FAM135A: variants seen among roughly 807,000 people sequenced by gnomAD.
FAM135A encodes the protein family with sequence similarity 135 member A, also known as protein FAM135A.
Under a neutral mutation model 146.8 loss-of-function variants are expected in FAM135A, and 79 were observed. That is an observed-to-expected ratio of 0.54 (90% CI 0.45 to 0.65). FAM135A has a LOEUF of 0.65. Among genes scored for constraint, FAM135A ranks in the 30% least tolerant of loss-of-function variants. The probability of loss-of-function intolerance (pLI) is 0.00; values close to 1 mark genes in which losing one functional copy is unlikely to be tolerated. For missense variants in FAM135A, 1,623 were observed against 1,758.2 expected, an observed-to-expected ratio of 0.92 and a Z score of 1.38; for synonymous variants, 562 against 603.6, an observed-to-expected ratio of 0.93 and a Z score of 1.01.
At position 70,428,348 on chromosome 6, in the gene FAM135A, T is replaced by G. The variant is rs1334837427; in HGVS notation, c.6T>G (p.Thr2=). The change falls in exon 4 of 22, where the codon ACT becomes ACG. Residue 2 remains threonine (T), a synonymous_variant. Coordinates refer to ENST00000418814, the MANE Select transcript of FAM135A (RefSeq NM_001162529.3). M[T]EVQAMVEFSV... ...CTTCTGGGTATAAATTAAAAATGAC[T>G]GAAGTTCAAGCAATGGTAGAATTCT... 1.3e-6 allele frequency: 2 copies of G among 1,598,554 alleles called. No individual in the cohort carries two copies. The highest frequency in any genetic ancestry group is 1.1e-5 in the South Asian group (1 of 87,138).
chr6:70,514,349 A>AT (rs1355259335), intron 12 of FAM135A, among the ~76,000 whole-genome samples: 4 of 152,020 alleles, frequency 2.6e-5, no homozygotes, highest in Non-Finnish European at 4.4e-5. Context: ...TTCACGTATA[A>AT]TACTTCCATT....
chr6:70,556,664 AT>A (rs1800899233), intron 20 of FAM135A, 85 bp from the exon 21 acceptor site: 2 of 809,422 alleles, frequency 2.5e-6, no homozygotes, highest in Non-Finnish European at 3.6e-6. Flanking sequence ...AAGGAAATTT[AT>A]TTTTTGGTCA....
chr6:70,459,885 G>T (rs1049153637), intron 5 of FAM135A, among the ~76,000 whole-genome samples: 2 of 152,096 alleles, frequency 1.3e-5, no homozygotes, highest in African/African-American at 4.8e-5. Flanking sequence ...AAAAAAATTA[G>T]CCAGGCGTGG....
At chr6:70,413,817 C>T in intron 1 of FAM135A, 115 bp downstream of exon 1, 3 of 985,454 alleles carry the variant, frequency 3.0e-6, no homozygotes, top group Non-Finnish European at 3.6e-6. Flanking sequence ...GTCCGCCGTT[C>T]GCCCGCCGCG....
intron 4 of FAM135A, among the ~76,000 whole-genome samples, chr6:70,438,758 A>G (rs1773794891): frequency 6.6e-6 from 1 of 152,242 alleles, no homozygotes; most frequent in Admixed American, 6.5e-5. Flanking sequence ...TGTGGTAAGA[A>G]TGAATTATCT....
At chr6:70,503,239 C>G (rs535467308) in intron 12 of FAM135A, 16 of 153,776 alleles carry the variant, frequency 1.0e-4, no homozygotes, top group African/African-American at 3.9e-4. Flanking sequence ...CCACACATTA[C>G]ACATATATGT....
chr6:70,506,738 CT>C (rs1336904814), intron 12 of FAM135A, among the ~76,000 whole-genome samples: 379 of 132,870 alleles, frequency 2.9e-3, no homozygotes, highest in Middle Eastern at 0.012. Context: ...TTTGTTTTTT[CT>C]TTTTTTTTTT....
At chr6:70,414,128 C>T (rs1035354358) in intron 1 of FAM135A, 2 of 780,492 alleles carry the variant, frequency 2.6e-6, no homozygotes, top group African/African-American at 1.9e-5. Flanking sequence ...GGTGGTCCCT[C>T]CTTGGGAAGC....
At chr6:70,455,894 C>CA in intron 5 of FAM135A, among the ~76,000 whole-genome samples, 1 of 152,126 alleles carries the variant, frequency 6.6e-6, no homozygotes, top group Non-Finnish European at 1.5e-5. Context: ...GCCCTATCGC[C>CA]AGGCTGGAGT....
chr6:70,469,325 T>A (rs1007277717), intron 5 of FAM135A, among the ~76,000 whole-genome samples: 1 of 152,210 alleles, frequency 6.6e-6, no homozygotes, highest in Non-Finnish European at 1.5e-5. Context: ...GAGAATAAAA[T>A]TAAGATGAAG....
At chr6:70,423,102 A>G (rs1352253409) in intron 2 of FAM135A, among the ~76,000 whole-genome samples, 1 of 152,210 alleles carries the variant, frequency 6.6e-6, no homozygotes, top group African/African-American at 2.4e-5. Context: ...ATATCTGGAG[A>G]GAAGAATGTT....
chr6:70,473,000 AAT>A (rs558122184), intron 5 of FAM135A, among the ~76,000 whole-genome samples: 91 of 152,230 alleles, frequency 6.0e-4, no homozygotes, highest in African/African-American at 2.1e-3. Flanking sequence ...CTTTGCAATT[AAT>A]GTCTCTTGTT....
At chr6:70,523,284 T>C (rs867876763) in intron 13 of FAM135A, among the ~76,000 whole-genome samples, 1 of 152,152 alleles carries the variant, frequency 6.6e-6, no homozygotes, top group Non-Finnish European at 1.5e-5. Context: ...AGCATACAGC[T>C]AAGATTTATA....
chr6:70,519,537 C>T (rs1373536935), intron 12 of FAM135A, among the ~76,000 whole-genome samples: 2 of 152,198 alleles, frequency 1.3e-5, no homozygotes, highest in African/African-American at 2.4e-5. Flanking sequence ...TCAATTGATG[C>T]AGCAAACTTC....
chr6:70,503,713 C>T (rs1287643623), intron 12 of FAM135A: 4 of 152,056 alleles, frequency 2.6e-5, no homozygotes, highest in Admixed American at 1.3e-4. Context: ...AGGTTGTTTC[C>T]ACCTGTTATT....
chr6:70,438,655 A>G (rs1773762296), intron 4 of FAM135A, among the ~76,000 whole-genome samples: 1 of 152,204 alleles, frequency 6.6e-6, no homozygotes, highest in African/African-American at 2.4e-5. Flanking sequence ...ATTTGGATTC[A>G]CGAGAAGCTG....
In FAM135A at chr6:70,536,142, TACA is replaced by T. The variant is rs1452622307; in HGVS notation, c.3966-114_3966-112del. On this transcript the variant is annotated intron_variant, in intron 18 of 21. Transcript: ENST00000418814. ...TCATTTCAAAGTATCACTATACTTT[TACA>T]ACATTAGAAATTTTCAAATTGTTAG... The T allele has an allele frequency of 8.5e-6, 8 of 944,598 alleles. No homozygotes were observed. In the East Asian group the frequency reaches 1.6e-4, roughly 19 times the overall value. The allele number at this position is 944,598 out of a possible 1,614,324, so 58.5% of individuals were successfully genotyped here.
intron 4 of FAM135A, among the ~76,000 whole-genome samples, chr6:70,449,734 A>G (rs1397223067): frequency 1.3e-5 from 2 of 152,164 alleles, no homozygotes; most frequent in African/African-American, 2.4e-5. Flanking sequence ...GGGAGGGCAG[A>G]TATCTTTCTA....
chr6:70,456,873 G>A (rs559275010), intron 5 of FAM135A, among the ~76,000 whole-genome samples: 2 of 152,280 alleles, frequency 1.3e-5, no homozygotes, highest in Admixed American at 1.3e-4. Flanking sequence ...GCCCTTGAGT[G>A]ACTGTGCTTG....
Sources: gnomAD v4.1 joint callset for allele counts (sites outside exome capture counted in the v4.1 genomes callset) on GRCh38, gnomAD v4.1.1 for gene constraint, MANE v1.5 for transcripts, NCBI Gene and HGNC (gene_info 2026-07-23, HGNC 2026-07-21) for gene names.